TRMT44: variants seen among roughly 807,000 people sequenced by gnomAD.
TRMT44 encodes probable tRNA (uracil-O(2)-)-methyltransferase.
Under a neutral mutation model 77.3 loss-of-function variants are expected in TRMT44, and 78 were observed. The ratio of observed to expected loss-of-function variants is 1.01; its 90% CI spans 0.84 to 1.22. The LOEUF is 1.22. Among genes scored for constraint, TRMT44 ranks in the 50% most tolerant of loss-of-function variants. The pLI, the probability that TRMT44 is intolerant of heterozygous loss-of-function variation, is 0.00. For synonymous variants in TRMT44, 391 were observed against 383.3 expected, an observed-to-expected ratio of 1.02 and a Z score of -0.23; for missense variants, 1,090 against 964.4, an observed-to-expected ratio of 1.13 and a Z score of -1.73.
chr4:8,453,526 A>C (rs991925234), intron 5 of TRMT44: 4 of 152,692 alleles, frequency 2.6e-5, no homozygotes, highest in African/African-American at 9.6e-5. Context: ...ACGGCCAGTC[A>C]TGTATACACA....
chr4:8,463,042 T>C (rs1726269363), intron 6 of TRMT44, among the ~76,000 whole-genome samples: 1 of 152,236 alleles, frequency 6.6e-6, no homozygotes, highest in African/African-American at 2.4e-5. Context: ...TCAGTTTTAG[T>C]TTTTTACTTA....
chr4:8,451,649 T>C lies in TRMT44; in HGVS notation c.955-311T>C, dbSNP rs1223225654. On this transcript the variant is annotated intron_variant, in intron 3 of 10. Transcript: ENST00000389737. This position sits in a 1 kb window ranked among gnomAD's most constrained non-coding sequence, Gnocchi z 4.1. ...CTAGTTTCCTTGTTTGTTGCCCTTA[T>C]CTGCATAGACAATGAGCACAGTGTA... Among the ~76,000 whole-genome samples the C allele has an allele frequency of 1.3e-5, 2 of 152,222 alleles. No individual in the cohort carries two copies. The highest frequency in any genetic ancestry group is 2.9e-5 in the Non-Finnish European group (2 of 68,022).
chr4:8,456,244 T>C (rs777233368), intron 6 of TRMT44, among the ~76,000 whole-genome samples: 1 of 152,248 alleles, frequency 6.6e-6, no homozygotes, highest in African/African-American at 2.4e-5. Flanking sequence ...ATTAAAATGC[T>C]GTGTGACACC....
chr4:8,476,127 C>A lies in TRMT44; in HGVS notation c.*126C>A. 3.7e-6 allele frequency: 3 copies of A among 814,538 alleles called. No individual in the cohort carries two copies. Among genetic ancestry groups the A allele is most frequent in the Non-Finnish European group, 5.8e-6 (3 of 514,112 alleles). 50.5% of individuals were successfully genotyped at this position (814,538 alleles called of 1,614,324 possible). The stretch of plus-strand genomic sequence containing the variant: ...GCCCACCTCCTCCCAGCTTTCTCCA[C>A]ATCCTCACAGTGATGAACCGTATTT... On this transcript the variant is annotated 3_prime_UTR_variant, in exon 11 of 11. Transcript: ENST00000389737.
intron 10 of TRMT44, among the ~76,000 whole-genome samples, chr4:8,473,987 A>G (rs931463984): frequency 6.6e-6 from 1 of 152,206 alleles, no homozygotes; most frequent in African/African-American, 2.4e-5. Flanking sequence ...GACACCCTGC[A>G]GGTCCTGCTT....
At position 8,461,443 on chromosome 4, in the gene TRMT44, CT is replaced by C. The variant is rs529255173; in HGVS notation, c.1204-2539del. Among the ~76,000 whole-genome samples the C allele has an allele frequency of 1.7e-4, 26 of 152,072 alleles. No homozygotes were observed. The highest frequency in any genetic ancestry group is 3.5e-4 in the Non-Finnish European group (24 of 68,014). Reference sequence around the variant, plus strand: ...CATGTGTCCCCAGGTGAAAAAGCACCTTTGGGTAGGAAATTCAAGCAGCAGT... The same window carrying C: ...CATGTGTCCCCAGGTGAAAAAGCACCTTGGGTAGGAAATTCAAGCAGCAGT... On this transcript the variant is annotated intron_variant, in intron 6 of 10. Transcript: ENST00000389737. The surrounding 1 kb of genome is among the most constrained non-coding windows in gnomAD (Gnocchi z 4.6).
At chr4:8,490,623 G>A (rs548464014) in intron 2 of TRMT44, among the ~76,000 whole-genome samples, 2 of 152,160 alleles carry the variant, frequency 1.3e-5, no homozygotes, top group South Asian at 4.2e-4. Context: ...GGCTTCAGGA[G>A]TGAAGCTGCA....
the TRMT44 span, among the ~76,000 whole-genome samples, chr4:8,498,746 A>G: frequency 6.6e-6 from 1 of 152,044 alleles, no homozygotes; most frequent in Admixed American, 6.5e-5. The surrounding 1 kb of genome is among the most constrained non-coding windows in gnomAD (Gnocchi z 4.3). Flanking sequence ...GGTCTGGCTG[A>G]TGGTCTGTGA....
At chr4:8,514,620 T>A in the TRMT44 span, among the ~76,000 whole-genome samples, 3 of 151,956 alleles carry the variant, frequency 2.0e-5, no homozygotes, top group African/African-American at 7.3e-5. Flanking sequence ...TTTGTGGGGA[T>A]GGAGGGTGAA....
chr4:8,494,496 C>G (rs1028486128), downstream of TRMT44, among the ~76,000 whole-genome samples: 1 of 152,138 alleles, frequency 6.6e-6, no homozygotes, highest in South Asian at 2.1e-4. Flanking sequence ...AAAGACTGAT[C>G]GAGGACTCAA....
downstream of TRMT44, chr4:8,478,389 C>G (rs999059731): frequency 4.6e-5 from 7 of 151,694 alleles, no homozygotes; most frequent in African/African-American, 1.7e-4. Flanking sequence ...TGGCCATAGG[C>G]CCCTCCGTGT....
intron 9 of TRMT44, 170 bp from the exon 10 acceptor site, chr4:8,470,914 C>T (rs1579079648): frequency 3.6e-6 from 2 of 554,802 alleles, no homozygotes; most frequent in East Asian, 6.2e-5. Context: ...CCACGGCCCT[C>T]ACGGTTTGGT....
At chr4:8,511,249 C>T in the TRMT44 span, among the ~76,000 whole-genome samples, 124 of 152,186 alleles carry the variant, frequency 8.1e-4, no homozygotes, top group Non-Finnish European at 1.5e-3. Flanking sequence ...CACACACAGT[C>T]TGAAAAACGT....
At chr4:8,474,522 T>C (rs891664902) in intron 10 of TRMT44, among the ~76,000 whole-genome samples, 31 of 152,238 alleles carry the variant, frequency 2.0e-4, no homozygotes, top group African/African-American at 5.5e-4. Context: ...CTCATTTCTC[T>C]AGTTTCAGGG....
intron 2 of TRMT44, among the ~76,000 whole-genome samples, chr4:8,488,836 G>C (rs1266351718): frequency 6.6e-6 from 1 of 152,208 alleles, no homozygotes; most frequent in Non-Finnish European, 1.5e-5. Flanking sequence ...TCAGCCAGGA[G>C]GACTTAAAAG....
the TRMT44 span, among the ~76,000 whole-genome samples, chr4:8,513,016 A>C: frequency 6.6e-6 from 1 of 152,132 alleles, no homozygotes; most frequent in Non-Finnish European, 1.5e-5. Context: ...GGGTTCAACC[A>C]ATTCTTCTGT....
intron 2 of TRMT44, among the ~76,000 whole-genome samples, chr4:8,485,450 T>C (rs1181506901): frequency 2.0e-5 from 3 of 152,198 alleles, no homozygotes; most frequent in Non-Finnish European, 4.4e-5. Context: ...TTATAGGTTT[T>C]AGAAGCCCAT....
the TRMT44 span, among the ~76,000 whole-genome samples, chr4:8,502,777 T>C: frequency 1.3e-5 from 2 of 152,232 alleles, no homozygotes; most frequent in African/African-American, 4.8e-5. Context: ...GTGGATGCTA[T>C]TGGTGAGACG....
chr4:8,488,575 T>G (rs1727892650), intron 2 of TRMT44, among the ~76,000 whole-genome samples: 1 of 152,218 alleles, frequency 6.6e-6, no homozygotes, highest in Non-Finnish European at 1.5e-5. Context: ...TCTTTTGTGG[T>G]GGAATGTCAT....
Sources: allele counts gnomAD v4.1 joint callset (sites outside exome capture counted in the v4.1 genomes callset), GRCh38; gene constraint gnomAD v4.1.1; non-coding constraint Gnocchi (gnomAD v3.1); transcripts MANE v1.5; gene names NCBI Gene and HGNC (gene_info 2026-07-23, HGNC 2026-07-21).